The following SNX8 variants were observed in gnomAD, a reference collection of about 807,000 sequenced individuals.
SNX8 encodes the protein sorting nexin-8.
A neutral mutation model predicts 51.6 loss-of-function variants in SNX8; 25 were observed. The observed-to-expected ratio is 0.48, with a 90% CI of 0.35 to 0.68. The LOEUF is 0.68. SNX8 is among the 30% of genes least tolerant of loss of function. The probability of loss-of-function intolerance (pLI) is 0.00; values close to 1 mark genes in which losing one functional copy is unlikely to be tolerated. For missense variants in SNX8, 695 were observed against 624.0 expected (o/e 1.11, Z -1.21); for synonymous variants, 324 against 277.0 (o/e 1.17, Z -1.68).
At chr7:2,257,705 G>GC (rs1795225159) in intron 8 of SNX8, 30 bp downstream of exon 8, 2 of 1,607,958 alleles carry the variant, frequency 1.2e-6, no homozygotes, top group South Asian at 1.1e-5. Flanking sequence ...TGAAAGTTCT[G>GC]CCCCCAGCCA....
upstream of SNX8, among the ~76,000 whole-genome samples, chr7:2,318,817 A>T (rs1198418727): frequency 6.7e-6 from 1 of 149,770 alleles, no homozygotes; most frequent in Admixed American, 6.7e-5. Context: ...TTCTAGACCA[A>T]CCTGGGCAAC....
chr7:2,283,530 C>A (rs1255385141), intron 1 of SNX8, among the ~76,000 whole-genome samples: 1 of 152,190 alleles, frequency 6.6e-6, no homozygotes, highest in East Asian at 1.9e-4. Flanking sequence ...TCCTACTGTC[C>A]CGTTTAGTGG....
At chr7:2,344,310 CCTCT>C (rs1264274561) in intron 1 of SNX8, among the ~76,000 whole-genome samples, 3 of 151,700 alleles carry the variant, frequency 2.0e-5, no homozygotes, top group South Asian at 2.1e-4. Context: ...GGTAAGACCT[CCTCT>C]CTATTTTATT....
At chr7:2,316,436 C>G (rs368763970), upstream of SNX8, among the ~76,000 whole-genome samples, 6,132 of 143,886 alleles carry the variant, frequency 0.043, 403 homozygotes, top group African/African-American at 0.15. Context: ...CATTCATTCA[C>G]CCACTTACTC....
chr7:2,300,970 G>A (rs563149093), intron 1 of SNX8, among the ~76,000 whole-genome samples: 68 of 152,154 alleles, frequency 4.5e-4, no homozygotes, highest in African/African-American at 1.6e-3. Context: ...ACCCAACCTC[G>A]AACGAGACAA....
intron 1 of SNX8, among the ~76,000 whole-genome samples, chr7:2,286,520 T>C (rs1562439320): frequency 1.6e-5 from 2 of 123,022 alleles, no homozygotes; most frequent in Non-Finnish European, 3.8e-5. Context: ...GGCTATTTTA[T>C]AATTTTTTTT....
chr7:2,314,543 A>T, upstream of SNX8: 3 of 952,712 alleles, frequency 3.1e-6, no homozygotes, highest in Non-Finnish European at 3.8e-6. Flanking sequence ...CGCCACGCCC[A>T]CAGTCCGCCC....
upstream of SNX8, chr7:2,314,509 C>A: frequency 8.9e-7 from 1 of 1,125,948 alleles, no homozygotes; most frequent in Non-Finnish European, 1.1e-6. Context: ...CCACACCCCG[C>A]CTGGTCACGC....
At chr7:2,335,761 G>C (rs7784694) in intron 1 of SNX8, among the ~76,000 whole-genome samples, 73,731 of 143,242 alleles carry the variant, frequency 0.51, 19,098 homozygotes, top group East Asian at 0.79. Context: ...CGAGACCGCG[G>C]CACTGCACTC....
At chr7:2,335,529 G>A (rs1032914982) in intron 1 of SNX8, among the ~76,000 whole-genome samples, 20 of 152,264 alleles carry the variant, frequency 1.3e-4, no homozygotes, top group African/African-American at 3.9e-4. Flanking sequence ...GTAGCCAGGC[G>A]CGGTGGCTCA....
intron 1 of SNX8, among the ~76,000 whole-genome samples, chr7:2,345,185 C>A (rs1778997491): frequency 6.6e-6 from 1 of 151,792 alleles, no homozygotes; most frequent in African/African-American, 2.4e-5. Flanking sequence ...TGAAAAAAAC[C>A]AAAACAACCT....
At chr7:2,296,002 A>T (rs1274327234) in intron 1 of SNX8, among the ~76,000 whole-genome samples, 1 of 152,208 alleles carries the variant, frequency 6.6e-6, no homozygotes, top group African/African-American at 2.4e-5. Flanking sequence ...ATTAACTTGA[A>T]TCAGGTAATG....
At chr7:2,274,318 G>A (rs769290332) in intron 3 of SNX8, among the ~76,000 whole-genome samples, 1 of 152,268 alleles carries the variant, frequency 6.6e-6, no homozygotes. Flanking sequence ...ACTGGCGACT[G>A]TGTTAGCTCC....
intron 1 of SNX8, among the ~76,000 whole-genome samples, chr7:2,280,728 A>G (rs959703273): frequency 3.3e-5 from 5 of 151,866 alleles, no homozygotes; most frequent in African/African-American, 1.2e-4. Flanking sequence ...AATAACTTCT[A>G]TGTACAAGTT....
chr7:2,283,590 T>G (rs1218344573), intron 1 of SNX8, among the ~76,000 whole-genome samples: 1 of 152,156 alleles, frequency 6.6e-6, no homozygotes, highest in African/African-American at 2.4e-5. Flanking sequence ...TCCCTGCTCT[T>G]CCACGACACA....
chr7:2,275,749 A>C (rs1795763050), intron 2 of SNX8, among the ~76,000 whole-genome samples: 1 of 152,138 alleles, frequency 6.6e-6, no homozygotes, highest in South Asian at 2.1e-4. Flanking sequence ...CTGCATTCCC[A>C]GCACTTTGGG....
At position 2,320,886 on chromosome 7, in the gene SNX8, G is replaced by A. The variant is rs367592026; in HGVS notation, c.-66+33336C>T. Among the ~76,000 whole-genome samples, 93 of 152,230 alleles carry A rather than the reference G, an allele frequency of 6.1e-4. 2 individuals are homozygous for A. The South Asian group carries it at 7.9e-3, about 13-fold the overall frequency. On this transcript the variant is annotated intron_variant, in intron 1 of 5. Coordinates refer to the SNX8 transcript ENST00000435336. ...AATACAAAAATTAGCCGGGCCTGGT[G>A]GTGGGTGCCTGTAATCCCAACTACT...
intron 1 of SNX8, among the ~76,000 whole-genome samples, chr7:2,330,476 C>T (rs971340334): frequency 6.6e-6 from 1 of 152,010 alleles, no homozygotes; most frequent in African/African-American, 2.4e-5. Flanking sequence ...TAAATGTATG[C>T]ATTTCCTGGA....
intron 5 of SNX8, 27 bp from the exon 6 acceptor site, chr7:2,264,485 CT>C (rs776300266): frequency 6.3e-7 from 1 of 1,594,442 alleles, no homozygotes; most frequent in South Asian, 1.1e-5. Context: ...GGGAGAGACA[CT>C]GTGTTAGTCG....
Sources: allele counts gnomAD v4.1 joint callset (sites outside exome capture counted in the v4.1 genomes callset), GRCh38; gene constraint gnomAD v4.1.1; transcripts MANE v1.5; gene names NCBI Gene and HGNC (gene_info 2026-07-23, HGNC 2026-07-21).